The following RNF220 variants were observed in gnomAD, a reference collection of about 807,000 sequenced individuals.
The protein encoded by RNF220 is ring finger protein 220.
Under a neutral mutation model 67.1 loss-of-function variants are expected in RNF220, and 7 were observed. That is an observed-to-expected ratio of 0.10 (90% CI 0.06 to 0.20). The LOEUF is 0.20. RNF220 is among the 10% of genes least tolerant of loss of function. The pLI is 1.00. For synonymous variants in RNF220, 270 were observed against 283.2 expected (o/e 0.95, Z 0.47); for missense variants, 565 against 740.3 (o/e 0.76, Z 2.75).
intron 2 of RNF220, among the ~76,000 whole-genome samples, chr1:44,557,109 GTATATGTA>G (rs983969730): frequency 2.7e-5 from 4 of 146,230 alleles, no homozygotes; most frequent in South Asian, 2.1e-4. Context: ...ATATATGTAT[GTATATGTA>G]TATATGTATA....
chr1:44,456,274 G>A (rs1165365940), intron 2 of RNF220, among the ~76,000 whole-genome samples: 1 of 152,170 alleles, frequency 6.6e-6, no homozygotes, highest in Non-Finnish European at 1.5e-5. Flanking sequence ...GTAACTGCAT[G>A]TTGTAGAAGA....
rs139669996 is a variant in RNF220 at position 44,487,613 on chromosome 1, A to C, written c.625+74891A>C. ...TTTGGGAGGCTGAGGAGGATGGATC[A>C]CTTGAGGTGAGGAGTTTGAGACCAG... On this transcript the variant is annotated intron_variant, in intron 2 of 14. Coordinates refer to ENST00000361799, the MANE Select transcript of RNF220 (RefSeq NM_018150.4). Among the ~76,000 whole-genome samples, 952 of 150,576 alleles carry C rather than the reference A, an allele frequency of 6.3e-3. 9 individuals are homozygous for C. The highest frequency in any genetic ancestry group is 0.022 in the African/African-American group (891 of 41,158).
chr1:44,627,274 G>A (rs1643981402), intron 5 of RNF220, among the ~76,000 whole-genome samples: 1 of 149,410 alleles, frequency 6.7e-6, no homozygotes, highest in South Asian at 2.1e-4. Flanking sequence ...GAACCCGGGA[G>A]GCAGAGGTTG....
intron 2 of RNF220, among the ~76,000 whole-genome samples, chr1:44,504,258 T>C (rs754895970): frequency 6.6e-6 from 1 of 152,158 alleles, no homozygotes; most frequent in Non-Finnish European, 1.5e-5. Context: ...ACTTCAAAAA[T>C]AACTTGCTCT....
In RNF220 at chr1:44,592,438, A is replaced by C. The variant is rs561628630; in HGVS notation, c.626-21727A>C. 2.6e-5 allele frequency among the ~76,000 whole-genome samples: 4 copies of C among 152,052 alleles called. No homozygotes were observed. The East Asian group carries it at 5.8e-4, about 22-fold the overall frequency. On this transcript the variant is annotated intron_variant, in intron 2 of 14. Transcript: ENST00000361799. ...AGCCCCCTACGCAGCTGCCTTCCTC[A>C]TGACACAGCCCTGTGTTGTCCTGTT...
intron 12 of RNF220, among the ~76,000 whole-genome samples, chr1:44,646,313 C>G (rs927654037): frequency 1.3e-5 from 2 of 152,258 alleles, no homozygotes; most frequent in African/African-American, 2.4e-5. Context: ...ATTTGTTTCC[C>G]TCCATTTTGT....
chr1:44,584,748 G>C (rs1665569120), intron 2 of RNF220, among the ~76,000 whole-genome samples: 1 of 152,206 alleles, frequency 6.6e-6, no homozygotes. Flanking sequence ...GCCTAGGCTG[G>C]AGTGCAGTGG....
intron 2 of RNF220, among the ~76,000 whole-genome samples, chr1:44,439,328 G>T (rs565544038): frequency 6.6e-6 from 1 of 151,704 alleles, no homozygotes; most frequent in African/African-American, 2.4e-5. Context: ...ACACTTATTG[G>T]GATTAGTTTA....
intron 2 of RNF220, among the ~76,000 whole-genome samples, chr1:44,539,575 T>G (rs1162977258): frequency 6.6e-6 from 1 of 152,092 alleles, no homozygotes; most frequent in Non-Finnish European, 1.5e-5. Context: ...GAGGAGAGTA[T>G]GGAAGGACAT....
intron 2 of RNF220, among the ~76,000 whole-genome samples, chr1:44,480,759 G>A (rs866525060): frequency 1.9e-4 from 29 of 152,222 alleles, no homozygotes; most frequent in Middle Eastern, 6.8e-3. Context: ...GGTGGGGCAC[G>A]CCTGCAGTCC....
chr1:44,641,200 T>G (rs188230763), intron 8 of RNF220, among the ~76,000 whole-genome samples: 139 of 152,332 alleles, frequency 9.1e-4, no homozygotes, highest in African/African-American at 3.1e-3. Flanking sequence ...TATTTTTTTT[T>G]GCACTACCCA....
intron 2 of RNF220, among the ~76,000 whole-genome samples, chr1:44,572,315 A>G (rs547471950): frequency 6.6e-6 from 1 of 152,344 alleles, no homozygotes; most frequent in Non-Finnish European, 1.5e-5. Context: ...CACCCAGCAC[A>G]GTGCCTGGCA....
chr1:44,643,796 G>C (rs1644554478), intron 8 of RNF220: 1 of 152,488 alleles, frequency 6.6e-6, no homozygotes, highest in Non-Finnish European at 1.5e-5. Flanking sequence ...GGAGGAAGTG[G>C]GGAGCTGGGG....
intron 2 of RNF220, among the ~76,000 whole-genome samples, chr1:44,521,402 T>C (rs1659930700): frequency 6.6e-6 from 1 of 152,194 alleles, no homozygotes; most frequent in Non-Finnish European, 1.5e-5. Context: ...TGACAAATTT[T>C]AAACAAGTAA....
In RNF220 at chr1:44,646,002, G is replaced by A. The variant is rs758954893; in HGVS notation, c.1445+514G>A. Among the ~76,000 whole-genome samples the A allele has an allele frequency of 6.8e-4, 104 of 152,220 alleles. 1 individual carries two copies. The highest frequency in any genetic ancestry group is 1.3e-3 in the Non-Finnish European group (87 of 68,028). ...CCCAGGGCTGAGCAACCCCTGGCCT[G>A]GATCCCTGGGAACCACAAAGATTTG... is the stretch of plus-strand genomic sequence containing the variant. On this transcript the variant is annotated intron_variant, in intron 12 of 14. Coordinates refer to ENST00000361799, the MANE Select transcript of RNF220 (RefSeq NM_018150.4).
chr1:44,428,512 T>C (rs2147858612), intron 2 of RNF220, among the ~76,000 whole-genome samples: 1 of 152,296 alleles, frequency 6.6e-6, no homozygotes. Context: ...CATTTGTACA[T>C]TCTACAAATA....
At chr1:44,465,155 A>G (rs527580150) in intron 2 of RNF220, among the ~76,000 whole-genome samples, 4 of 152,290 alleles carry the variant, frequency 2.6e-5, no homozygotes, top group Admixed American at 2.6e-4. Context: ...TACTGTTTCT[A>G]CACTATCATA....
rs72895568 is a variant in RNF220 at position 44,513,946 on chromosome 1, A to G, written c.626-100219A>G. Among the ~76,000 whole-genome samples, 1,466 of 152,384 alleles carry G rather than the reference A, an allele frequency of 9.6e-3. 26 individuals carry two copies. Among genetic ancestry groups the G allele is most frequent in the African/African-American group, 0.034 (1,398 of 41,584 alleles). ...GGAAGTTTCCCTTCAGGAAGCAGAA[A>G]GAGCCTAAGAGAAGAAGGGAGAAAA... On this transcript the variant is annotated intron_variant, in intron 2 of 14. Transcript: ENST00000361799.
chr1:44,500,932 C>T (rs549456407), intron 2 of RNF220, among the ~76,000 whole-genome samples: 8 of 152,240 alleles, frequency 5.3e-5, no homozygotes, highest in East Asian at 1.9e-4. Context: ...CGGGCATAGA[C>T]GGGCCCTTGG....
Sources: allele counts gnomAD v4.1 joint callset (sites outside exome capture counted in the v4.1 genomes callset), GRCh38; gene constraint gnomAD v4.1.1; transcripts MANE v1.5; gene names NCBI Gene and HGNC (gene_info 2026-07-23, HGNC 2026-07-21).